RBPMS: variants seen among roughly 807,000 people sequenced by gnomAD.
RBPMS encodes the protein RNA-binding protein with multiple splicing.
A neutral mutation model predicts 26.8 loss-of-function variants in RBPMS; 7 were observed. That is an observed-to-expected ratio of 0.26 (90% CI 0.15 to 0.49). The LOEUF is 0.49. RBPMS is among the 20% of genes least tolerant of loss of function. The pLI is 0.98. For synonymous variants in RBPMS, 96 were observed against 93.3 expected (o/e 1.03, Z -0.17); for missense variants, 186 against 250.0 (o/e 0.74, Z 1.73).
intron 5 of RBPMS, among the ~76,000 whole-genome samples, chr8:30,513,587 CAAAAAAAAAAAAAAA>C (rs56184994): frequency 2.9e-4 from 31 of 108,508 alleles, no homozygotes; most frequent in Admixed American, 2.1e-3. Context: ...GACTCCATCT[CAAAAAAAAAAAAAAA>C]AAAAAAAAAA....
At chr8:30,558,598 T>C in intron 6 of RBPMS, 1 of 522,468 alleles carries the variant, frequency 1.9e-6, no homozygotes, top group Non-Finnish European at 3.5e-6. Flanking sequence ...AAATGGCTGC[T>C]AACCTTTAAA....
chr8:30,475,063 A>G (rs548613004), intron 2 of RBPMS, among the ~76,000 whole-genome samples: 1 of 152,350 alleles, frequency 6.6e-6, no homozygotes, highest in East Asian at 1.9e-4. Context: ...CAGTAATGTA[A>G]GTGAAGATTT....
intron 5 of RBPMS, among the ~76,000 whole-genome samples, chr8:30,519,712 C>T (rs1207318796): frequency 6.6e-6 from 1 of 151,902 alleles, no homozygotes; most frequent in African/African-American, 2.4e-5. Flanking sequence ...AGACTATTGT[C>T]TCGATCTCCT....
chr8:30,424,974 C>T (rs570187222), intron 1 of RBPMS, among the ~76,000 whole-genome samples: 1 of 152,174 alleles, frequency 6.6e-6, no homozygotes, highest in Admixed American at 6.5e-5. Flanking sequence ...TATTTAGAGA[C>T]AGGGTTTCAC....
At chr8:30,562,487 G>C (rs1827583597) in intron 7 of RBPMS, among the ~76,000 whole-genome samples, 2 of 152,266 alleles carry the variant, frequency 1.3e-5, no homozygotes, top group African/African-American at 4.8e-5. Context: ...ACGCGGGGGA[G>C]TCTAGTCTCC....
chr8:30,494,342 C>T (rs961557224), intron 4 of RBPMS, among the ~76,000 whole-genome samples: 4 of 152,028 alleles, frequency 2.6e-5, no homozygotes, highest in African/African-American at 7.2e-5. Flanking sequence ...GAGAAGAATC[C>T]CCATTGGTTC....
chr8:30,528,004 C>T (rs1322081239), intron 5 of RBPMS, among the ~76,000 whole-genome samples: 2 of 151,932 alleles, frequency 1.3e-5, no homozygotes, highest in South Asian at 2.1e-4. Flanking sequence ...GGTGAAACCC[C>T]GTCTCTACTA....
intron 6 of RBPMS, chr8:30,558,340 A>T (rs1827149117): frequency 6.0e-6 from 1 of 167,346 alleles, no homozygotes; most frequent in Non-Finnish European, 1.3e-5. Flanking sequence ...CCATCTCCTC[A>T]GTAGGGTGAA....
Position 30,525,662 on chromosome 8 carries a change from T to C in RBPMS, c.398-18832T>C, listed in dbSNP as rs1262858642. Among the ~76,000 whole-genome samples, 4 of 152,354 alleles carry C rather than the reference T, an allele frequency of 2.6e-5. No individual in the cohort carries two copies. The East Asian group carries it at 5.8e-4, about 22-fold the overall frequency. ...TTACTTACTCCTTTCAGTGAATCAG[T>C]AATGACGTTTTAGGTCAGGAGATTG... On this transcript the variant is annotated intron_variant, in intron 5 of 8. Transcript: ENST00000397323.
chr8:30,517,029 A>C (rs753104748), intron 5 of RBPMS, among the ~76,000 whole-genome samples: 1 of 152,084 alleles, frequency 6.6e-6, no homozygotes, highest in Admixed American at 6.5e-5. Context: ...ACCCACCCAG[A>C]GATAAGTATT....
At chr8:30,437,842 C>T (rs1466039554) in intron 1 of RBPMS, among the ~76,000 whole-genome samples, 1 of 150,906 alleles carries the variant, frequency 6.6e-6, no homozygotes, top group East Asian at 1.9e-4. Context: ...GCCTGTAATC[C>T]CAGCTACTCA....
At chr8:30,558,017 C>T (rs549977832) in intron 6 of RBPMS, among the ~76,000 whole-genome samples, 6 of 152,286 alleles carry the variant, frequency 3.9e-5, no homozygotes, top group South Asian at 2.1e-4. Flanking sequence ...GGCATGCATG[C>T]CCACGCCCAG....
At chr8:30,421,595 C>T (rs1185600564) in intron 1 of RBPMS, among the ~76,000 whole-genome samples, 5 of 152,038 alleles carry the variant, frequency 3.3e-5, no homozygotes, top group African/African-American at 1.2e-4. Context: ...TACTATGTGC[C>T]AAGGATAATG....
At chr8:30,492,180 C>G (rs535047901) in intron 4 of RBPMS, among the ~76,000 whole-genome samples, 3 of 152,344 alleles carry the variant, frequency 2.0e-5, no homozygotes, top group African/African-American at 7.2e-5. Context: ...GTGTGAGCCA[C>G]TGCGCCCAGC....
At chr8:30,536,961 G>T (rs994543749) in intron 5 of RBPMS, among the ~76,000 whole-genome samples, 2 of 152,148 alleles carry the variant, frequency 1.3e-5, no homozygotes, top group African/African-American at 4.8e-5. Context: ...CAAAATCCAG[G>T]CTCGCAGAGA....
chr8:30,415,942 G>A (rs918685726), intron 1 of RBPMS, among the ~76,000 whole-genome samples: 17 of 152,244 alleles, frequency 1.1e-4, no homozygotes, highest in Non-Finnish European at 2.2e-4. Context: ...ACTGTGTATG[G>A]GGCTAAGTTT....
chr8:30,510,361 G>A (rs1821458338), intron 5 of RBPMS, among the ~76,000 whole-genome samples: 1 of 152,108 alleles, frequency 6.6e-6, no homozygotes, highest in African/African-American at 2.4e-5. Flanking sequence ...CTTTCCTTAA[G>A]AATTATATGT....
intron 1 of RBPMS, among the ~76,000 whole-genome samples, chr8:30,450,753 T>G (rs1253514628): frequency 1.4e-5 from 2 of 141,088 alleles, no homozygotes; most frequent in Admixed American, 1.5e-4. Context: ...GTGACCAGTT[T>G]ATTTGTGGCT....
intron 4 of RBPMS, among the ~76,000 whole-genome samples, chr8:30,487,407 A>G (rs1445563491): frequency 1.3e-5 from 2 of 152,230 alleles, no homozygotes; most frequent in East Asian, 3.8e-4. Context: ...AAAACATTTT[A>G]AAACCTTAGG....
Sources: allele counts gnomAD v4.1 joint callset (sites outside exome capture counted in the v4.1 genomes callset), GRCh38; gene constraint gnomAD v4.1.1; transcripts MANE v1.5; gene names NCBI Gene and HGNC (gene_info 2026-07-23, HGNC 2026-07-21).